Variants in NLRP13 observed in about 807,000 individuals in gnomAD.
NLRP13 encodes NACHT, LRR and PYD domains-containing protein 13.
Under a neutral mutation model 94.4 loss-of-function variants are expected in NLRP13, and 82 were observed. The observed-to-expected ratio is 0.87, with a 90% CI of 0.73 to 1.04. The LOEUF (loss-of-function observed/expected upper bound fraction) is 1.04, where lower values mean the gene tolerates loss of function less well. Ranked by LOEUF, NLRP13 falls within the 50% of genes least tolerant of loss-of-function variation. NLRP13 has a pLI of 0.00. For synonymous variants in NLRP13, 553 were observed against 464.7 expected, an observed-to-expected ratio of 1.19 and a Z score of -2.45; for missense variants, 1,426 against 1,230.8, an observed-to-expected ratio of 1.16 and a Z score of -2.37.
Position 55,896,035 on chromosome 19 carries a change from G to T in NLRP13, c.3042C>A (p.Asn1014Lys), listed in dbSNP as rs753888037. ...LSSSKSLVNL[N>K]LLGNELDTDG... is the part of the protein sequence containing the mutation. Reference sequence around the variant, plus strand: ...CAGTATCCAATTCATTGCCTAGAAGGTTCAGATTGACCAGGCTCTTACTGC... The same window carrying T: ...CAGTATCCAATTCATTGCCTAGAAGTTTCAGATTGACCAGGCTCTTACTGC... Residue 1014 changes from asparagine (N) to lysine (K), a missense_variant, in exon 11 of 11, where the codon AAC becomes AAA. Transcript: ENST00000342929. The T allele has an allele frequency of 1.9e-6, 3 of 1,614,188 alleles. No homozygotes were observed. The highest frequency in any genetic ancestry group is 2.2e-5 in the South Asian group (2 of 91,082).
At chr19:55,923,331 G>A (rs902995100) in intron 4 of NLRP13, among the ~76,000 whole-genome samples, 1 of 152,184 alleles carries the variant, frequency 6.6e-6, no homozygotes, top group African/African-American at 2.4e-5. Flanking sequence ...TGGAAGGCTG[G>A]GGGAGAGGGG....
At chr19:55,924,268 A>G (rs556565294) in intron 3 of NLRP13, among the ~76,000 whole-genome samples, 1 of 152,222 alleles carries the variant, frequency 6.6e-6, no homozygotes, top group East Asian at 1.9e-4. Flanking sequence ...GATTACAGGC[A>G]CACACCACCA....
intron 9 of NLRP13, among the ~76,000 whole-genome samples, chr19:55,899,786 A>T (rs924199478): frequency 1.3e-5 from 2 of 152,126 alleles, no homozygotes; most frequent in South Asian, 2.1e-4. Context: ...TTTAAAAAAA[A>T]TTTTGACTAC....
chr19:55,913,495 A>C (rs892969685), intron 4 of NLRP13, among the ~76,000 whole-genome samples: 4 of 136,684 alleles, frequency 2.9e-5, no homozygotes, highest in African/African-American at 1.1e-4. Flanking sequence ...GGTTGCAGTG[A>C]GCCGAGAGGC....
chr19:55,893,037 C>A (rs1388848964), downstream of NLRP13, among the ~76,000 whole-genome samples: 1 of 152,098 alleles, frequency 6.6e-6, no homozygotes, highest in East Asian at 1.9e-4. Context: ...TGTAAAGTGG[C>A]AAACTGATAT....
chr19:55,900,380 C>CA (rs1406136040), intron 9 of NLRP13, among the ~76,000 whole-genome samples: 1 of 151,972 alleles, frequency 6.6e-6, no homozygotes, highest in Non-Finnish European at 1.5e-5. Context: ...TTTGTGTTTA[C>CA]AAAGGAAGAG....
chr19:55,911,848 G>A lies in NLRP13; in HGVS notation c.1969C>T (p.Arg657Cys), dbSNP rs773294612. ...ATATTAAGGTCAACTTCAAAGATAC[G>A]ACCCAACATCTTCTTTGTGAAGTCT... is the stretch of plus-strand genomic sequence containing the variant. ...EEDFTKKMLG[R>C]IFEVDLNILE... is the part of the protein sequence containing the mutation. Residue 657 changes from arginine to cysteine, a missense_variant, in exon 5 of 11, where the codon CGT becomes TGT. By Grantham distance (180) the Arg-to-Cys change is radical. Coordinates refer to ENST00000342929, the MANE Select transcript of NLRP13 (RefSeq NM_176810.2). The A allele has an allele frequency of 2.4e-5, 39 of 1,613,984 alleles. No homozygotes were observed. Among genetic ancestry groups the A allele is most frequent in the Non-Finnish European group, 2.9e-5 (34 of 1,180,008 alleles).
At chr19:55,899,446 G>A (rs550175470) in intron 9 of NLRP13, among the ~76,000 whole-genome samples, 1 of 151,986 alleles carries the variant, frequency 6.6e-6, no homozygotes, top group South Asian at 2.1e-4. Context: ...GCGACAGGAG[G>A]AGAAAGAGTC....
intron 4 of NLRP13, among the ~76,000 whole-genome samples, chr19:55,915,116 G>A (rs548988919): frequency 1.3e-5 from 2 of 152,186 alleles, no homozygotes; most frequent in South Asian, 2.1e-4. Context: ...CAAGAGGAAC[G>A]AGTTCTGTGA....
At chr19:55,906,064 G>T (rs955899758) in intron 7 of NLRP13, among the ~76,000 whole-genome samples, 1 of 152,150 alleles carries the variant, frequency 6.6e-6, no homozygotes, top group Non-Finnish European at 1.5e-5. Context: ...GAGGCCAGGC[G>T]TGGTGGCTCA....
intron 7 of NLRP13, among the ~76,000 whole-genome samples, chr19:55,906,347 A>AAAAAAAAAAAAG (rs1986348629): frequency 6.6e-6 from 1 of 150,726 alleles, no homozygotes; most frequent in Non-Finnish European, 1.5e-5. Flanking sequence ...CAAAAAAAAA[A>AAAAAAAAAAAAG]AAAAAAAGAC....
downstream of NLRP13, among the ~76,000 whole-genome samples, chr19:55,893,514 T>C (rs932843693): frequency 1.4e-4 from 21 of 152,186 alleles, no homozygotes; most frequent in African/African-American, 4.1e-4. Flanking sequence ...TGTTTACCCT[T>C]CGACTGGGAC....
At chr19:55,898,519 A>G (rs1205172133) in intron 10 of NLRP13, among the ~76,000 whole-genome samples, 1 of 150,594 alleles carries the variant, frequency 6.6e-6, no homozygotes, top group Non-Finnish European at 1.5e-5. Flanking sequence ...TAATTTTTGT[A>G]TTTTTAGTAG....
chr19:55,931,190 G>A, intron 1 of NLRP13, among the ~76,000 whole-genome samples: 1 of 152,068 alleles, frequency 6.6e-6, no homozygotes, highest in East Asian at 1.9e-4. Context: ...TCGTACTGAG[G>A]AAGCGGGTAG....
At chr19:55,906,136 G>A (rs1600263789) in intron 7 of NLRP13, among the ~76,000 whole-genome samples, 2 of 152,100 alleles carry the variant, frequency 1.3e-5, no homozygotes, top group South Asian at 2.1e-4. Context: ...TCAGGAGTTC[G>A]AGACCAGCCT....
At position 55,912,947 on chromosome 19, in the gene NLRP13, G is replaced by A. The variant is rs188240771; in HGVS notation, c.870C>T (p.Pro290=). 44 of 1,613,950 alleles carry A rather than the reference G, an allele frequency of 2.7e-5. No individual in the cohort carries two copies. The highest frequency in any genetic ancestry group is 8.0e-5 in the African/African-American group (6 of 75,024). ...ACTCTTCAATGGGGGCATCAAAATC[G>A]GGCCAATCCAAAGAAATCAATTCAG... ...TFAELISLDW[P]DFDAPIEEFM... is the part of the protein sequence containing the mutation. The change falls in exon 5 of 11, where the codon CCC becomes CCT. Residue 290 remains proline, a synonymous_variant. Transcript: ENST00000342929.
intron 9 of NLRP13, among the ~76,000 whole-genome samples, chr19:55,901,009 G>A (rs73935441): frequency 0.013 from 2,000 of 152,200 alleles, 59 homozygotes; most frequent in African/African-American, 0.045. Flanking sequence ...ATGCTAGACC[G>A]CACATAACCA....
intron 1 of NLRP13, among the ~76,000 whole-genome samples, 160 bp downstream of exon 1, chr19:55,931,833 T>C (rs530247476): frequency 6.6e-6 from 1 of 151,842 alleles, no homozygotes; most frequent in Non-Finnish European, 1.5e-5. Context: ...TAAATCTTTA[T>C]AGCCTTTATG....
Position 55,913,717 on chromosome 19 carries a change from G to A in NLRP13, c.524-424C>T, listed in dbSNP as rs969759268. Among the ~76,000 whole-genome samples the A allele has an allele frequency of 2.0e-5, 3 of 152,014 alleles. No individual in the cohort carries two copies. The East Asian group carries it at 5.8e-4, about 29-fold the overall frequency. ...GCCTCTCACTAGAGGATTCTACACTGAGAATGGAGAAGAATCATCAGAAGA... is the reference window on the plus strand; with the variant it reads ...GCCTCTCACTAGAGGATTCTACACTAAGAATGGAGAAGAATCATCAGAAGA... On this transcript the variant is annotated intron_variant, in intron 4 of 10. Transcript: ENST00000342929.
Sources: gnomAD v4.1 joint callset for allele counts (sites outside exome capture counted in the v4.1 genomes callset) on GRCh38, gnomAD v4.1.1 for gene constraint, MANE v1.5 for transcripts, NCBI Gene and HGNC (gene_info 2026-07-23, HGNC 2026-07-21) for gene names.